ZNF365: variants seen among roughly 807,000 people sequenced by gnomAD.
The protein encoded by ZNF365 is protein ZNF365.
In ZNF365, 22 loss-of-function variants were observed where a neutral mutation model predicts 35.0. That is an observed-to-expected ratio of 0.63 (90% CI 0.45 to 0.90). ZNF365 has a LOEUF of 0.90. ZNF365 is among the 40% of genes least tolerant of loss of function. The pLI, the probability that ZNF365 is intolerant of heterozygous loss-of-function variation, is 0.00. For missense variants in ZNF365, 448 were observed against 500.3 expected (o/e 0.90, Z 1.00); for synonymous variants, 188 against 196.2 (o/e 0.96, Z 0.35).
intron 3 of ZNF365, among the ~76,000 whole-genome samples, chr10:62,394,070 G>A (rs1204648970): frequency 6.6e-6 from 1 of 152,142 alleles, no homozygotes; most frequent in African/African-American, 2.4e-5. Context: ...TGTCATACAG[G>A]TTGAGTATAC....
At chr10:62,430,466 GA>G (rs1479301513) in intron 3 of ZNF365, among the ~76,000 whole-genome samples, 1 of 152,088 alleles carries the variant, frequency 6.6e-6, no homozygotes, top group Non-Finnish European at 1.5e-5. Context: ...AGGCGTGATG[GA>G]AAAGGTTTTA....
Position 62,400,379 on chromosome 10 carries a change from C to CGGA in ZNF365, c.*590_*591insGGA. Reference sequence around the variant, plus strand: ...ACTCGTTCAGTCAGACTTCAGTTCTCATTCCGACAGGGTGTCTTTCAGTTC... The same window carrying CGGA: ...ACTCGTTCAGTCAGACTTCAGTTCTCGGAATTCCGACAGGGTGTCTTTCAGTTC... On this transcript the variant is annotated 3_prime_UTR_variant, in exon 5 of 5. Transcript: ENST00000395254. 1 of 986,216 alleles carries CGGA rather than the reference C, an allele frequency of 1.0e-6. No individual in the cohort carries two copies. The highest frequency in any genetic ancestry group is 1.2e-6 in the Non-Finnish European group (1 of 830,110). 61.1% of individuals were successfully genotyped at this position (986,216 alleles called of 1,614,324 possible). A position where few individuals can be genotyped will look rare whatever the true frequency, so the allele number is the denominator to read the frequency against.
chr10:62,419,043 A>G (rs972615835), intron 3 of ZNF365, among the ~76,000 whole-genome samples: 1 of 152,126 alleles, frequency 6.6e-6, no homozygotes, highest in African/African-American at 2.4e-5. Context: ...TATTGCCAAT[A>G]TCAACATTGA....
Position 62,436,255 on chromosome 10 carries a change from CA to C in ZNF365, c.925-23483del, listed in dbSNP as rs527743469. On this transcript the variant is annotated intron_variant, in intron 3 of 4. Transcript: ENST00000395255. ...CAGGCCATGGGAATTTTCTTCTAGA[CA>C]AATAGGAAAGTTCCAACAGCCATAT... is the stretch of plus-strand genomic sequence containing the variant. 7.9e-5 allele frequency among the ~76,000 whole-genome samples: 12 copies of C among 152,026 alleles called. No individual in the cohort carries two copies. In the South Asian group the frequency reaches 2.5e-3, roughly 32 times the overall value.
In ZNF365 at chr10:62,436,475, T is replaced by C. The variant is rs1840409496; in HGVS notation, c.925-23266T>C. On this transcript the variant is annotated intron_variant, in intron 3 of 4. Transcript: ENST00000395255. ...TTACACAATAAAATTATAGAACATA[T>C]CCAGATTTGTAATAACACATAAAAA... 2.0e-5 allele frequency among the ~76,000 whole-genome samples: 3 copies of C among 152,246 alleles called. No homozygotes were observed. The South Asian group carries it at 6.2e-4, about 32-fold the overall frequency.
chr10:62,404,299 A>C (rs931181251), downstream of ZNF365, among the ~76,000 whole-genome samples: 1 of 152,208 alleles, frequency 6.6e-6, no homozygotes, highest in Non-Finnish European at 1.5e-5. Flanking sequence ...TGCTGCCCTT[A>C]AGTATCTGAG....
chr10:62,461,408 T>A (rs1330234897), intron 4 of ZNF365, among the ~76,000 whole-genome samples: 1 of 152,194 alleles, frequency 6.6e-6, no homozygotes, highest in African/African-American at 2.4e-5. Context: ...AGTAAAATCT[T>A]GTCTGAACAG....
chr10:62,473,316 T>G (rs1033495697), intron 4 of ZNF365, among the ~76,000 whole-genome samples: 1 of 152,178 alleles, frequency 6.6e-6, no homozygotes, highest in African/African-American at 2.4e-5. Flanking sequence ...CTGGGCAAAG[T>G]TGGGGAGATT....
intron 3 of ZNF365, among the ~76,000 whole-genome samples, chr10:62,389,480 C>T (rs1839588725): frequency 6.6e-6 from 1 of 151,008 alleles, no homozygotes; most frequent in Admixed American, 6.6e-5. Context: ...CAAATGGGCT[C>T]TATTATAAGG....
At chr10:62,450,291 A>T (rs559322249) in intron 3 of ZNF365, among the ~76,000 whole-genome samples, 49 of 152,328 alleles carry the variant, frequency 3.2e-4, no homozygotes, top group African/African-American at 1.0e-3. Flanking sequence ...AGCACTTTAC[A>T]AACATCATTT....
intron 3 of ZNF365, among the ~76,000 whole-genome samples, chr10:62,428,344 C>G (rs1227458740): frequency 6.6e-6 from 1 of 152,048 alleles, no homozygotes; most frequent in Admixed American, 6.6e-5. Context: ...GTGGGAGGGA[C>G]CTGGTGGGAT....
chr10:62,431,311 T>C (rs1192042136), intron 3 of ZNF365, among the ~76,000 whole-genome samples: 1 of 152,214 alleles, frequency 6.6e-6, no homozygotes, highest in African/African-American at 2.4e-5. Context: ...TCCAGAATTG[T>C]CTATGCAGAA....
intron 4 of ZNF365, among the ~76,000 whole-genome samples, chr10:62,465,870 C>T (rs955574668): frequency 1.3e-5 from 2 of 152,136 alleles, no homozygotes; most frequent in Non-Finnish European, 2.9e-5. Flanking sequence ...AGTGAAGCAT[C>T]GCAACCCTTC....
At chr10:62,382,366 A>G (rs1488201578) in intron 2 of ZNF365, among the ~76,000 whole-genome samples, 3 of 152,186 alleles carry the variant, frequency 2.0e-5, no homozygotes, top group Admixed American at 6.5e-5. Context: ...TCGTGCATAT[A>G]AATGGGGTCC....
In ZNF365 at chr10:62,401,492, G is replaced by A. The variant is rs1839828446; in HGVS notation, c.*1703G>A. 3.0e-6 allele frequency: 3 copies of A among 985,320 alleles called. No homozygotes were observed. The highest frequency in any genetic ancestry group is 3.6e-6 in the Non-Finnish European group (3 of 829,902). The allele number at this position is 985,320 out of a possible 1,614,324, so 61.0% of individuals were successfully genotyped here. A position where few individuals can be genotyped will look rare whatever the true frequency, so the allele number is the denominator to read the frequency against. ...CACTTTGACTTTCAGTTTATGGGGG[G>A]GGTAGATCATTCATGTGATATATAA... On this transcript the variant is annotated 3_prime_UTR_variant, in exon 5 of 5. Coordinates refer to ENST00000395254, the MANE Select transcript of ZNF365 (RefSeq NM_014951.3).
chr10:62,460,967 T>G (rs1398070727), intron 4 of ZNF365, among the ~76,000 whole-genome samples: 1 of 152,120 alleles, frequency 6.6e-6, no homozygotes, highest in Admixed American at 6.6e-5. Context: ...CACAGAAAGA[T>G]CTTCAATTTC....
At chr10:62,427,163 A>T (rs773359550) in intron 3 of ZNF365, among the ~76,000 whole-genome samples, 9 of 152,204 alleles carry the variant, frequency 5.9e-5, no homozygotes, top group Non-Finnish European at 1.3e-4. Flanking sequence ...TGCTTTTTCT[A>T]TACTATTTAT....
rs529593895 is a variant in ZNF365, at chr10:62,441,517, G to A, written c.925-18224G>A. Among the ~76,000 whole-genome samples the A allele has an allele frequency of 8.2e-4, 125 of 152,198 alleles. 2 individuals are homozygous for A. In the South Asian group the frequency reaches 0.012, roughly 15 times the overall value. On this transcript the variant is annotated intron_variant, in intron 3 of 4. Coordinates refer to the ZNF365 transcript ENST00000395255. The stretch of plus-strand genomic sequence containing the variant: ...CATACAGACCTCAGTCATCCACACA[G>A]GGCAGAACCTTACTGATTCTTGGGG...
downstream of ZNF365, among the ~76,000 whole-genome samples, chr10:62,404,584 G>A (rs12244756): frequency 9.1e-4 from 139 of 152,210 alleles, 1 homozygote; most frequent in African/African-American, 3.0e-3. Flanking sequence ...TTGCTTAGGG[G>A]CTGTGAGAGT....
Sources: allele counts gnomAD v4.1 joint callset (sites outside exome capture counted in the v4.1 genomes callset), GRCh38; gene constraint gnomAD v4.1.1; transcripts MANE v1.5; gene names NCBI Gene and HGNC (gene_info 2026-07-23, HGNC 2026-07-21).